The following CR1L variants were observed in gnomAD, a reference collection of about 807,000 sequenced individuals.
CR1L encodes the protein complement C3b/C4b receptor 1 like.
Under a neutral mutation model 62.3 loss-of-function variants are expected in CR1L, and 59 were observed. The ratio of observed to expected loss-of-function variants is 0.95; its 90% CI spans 0.77 to 1.18. The LOEUF (loss-of-function observed/expected upper bound fraction) is 1.18, where lower values mean the gene tolerates loss of function less well. CR1L is among the 50% of genes most tolerant of loss of function. The pLI is 0.00. For synonymous variants in CR1L, 279 were observed against 248.7 expected (o/e 1.12, Z -1.15); for missense variants, 700 against 702.8 (o/e 1.00, Z 0.04).
At chr1:207,662,921 C>G (rs1251953804) in intron 1 of CR1L, among the ~76,000 whole-genome samples, 1 of 152,184 alleles carries the variant, frequency 6.6e-6, no homozygotes, top group Non-Finnish European at 1.5e-5. Flanking sequence ...ACTCTAGACC[C>G]TGTTTGCCTG....
Position 207,645,448 on chromosome 1 carries a change from G to A in CR1L, c.97+118G>A, listed in dbSNP as rs1004689620. On this transcript the variant is annotated intron_variant, in intron 1 of 11. Coordinates refer to ENST00000508064, the MANE Select transcript of CR1L (RefSeq NM_175710.2). ...GTCGTGCCTGCTTGGGATAGAGAGC[G>A]AGGCCAGGGTTCTCCGAGGGGTGCC... is the stretch of plus-strand genomic sequence containing the variant. 4 of 1,176,890 alleles carry A rather than the reference G, an allele frequency of 3.4e-6. 1 individual carries two copies. Among genetic ancestry groups the A allele is most frequent in the Middle Eastern group, 2.0e-4 (1 of 5,060 alleles). 72.9% of individuals were successfully genotyped at this position (1,176,890 alleles called of 1,614,324 possible). A position where few individuals can be genotyped will look rare whatever the true frequency, so the allele number is the denominator to read the frequency against.
chr1:207,651,659 G>GAA (rs148896881), intron 1 of CR1L, among the ~76,000 whole-genome samples: 2 of 146,424 alleles, frequency 1.4e-5, no homozygotes, highest in Admixed American at 6.8e-5. Flanking sequence ...ATGATAGGGA[G>GAA]AAAAAAAAAA....
intron 10 of CR1L, chr1:207,710,400 C>G: frequency 2.0e-6 from 3 of 1,520,924 alleles, no homozygotes; most frequent in Non-Finnish European, 2.7e-6. Context: ...TGTGGGCTAC[C>G]CCCCAACATC....
At chr1:207,657,353 T>A in intron 1 of CR1L, 1 of 816,542 alleles carries the variant, frequency 1.2e-6, no homozygotes, top group Non-Finnish European at 2.1e-6. Flanking sequence ...TCTTCATCTG[T>A]AAGTACTCTG....
At chr1:207,657,836 T>G (rs1663339337) in intron 1 of CR1L, among the ~76,000 whole-genome samples, 1 of 152,212 alleles carries the variant, frequency 6.6e-6, no homozygotes. Flanking sequence ...GATTTAAAAG[T>G]ATATACTTCC....
intron 1 of CR1L, among the ~76,000 whole-genome samples, chr1:207,662,326 C>A (rs1663438536): frequency 6.6e-6 from 1 of 152,326 alleles, no homozygotes; most frequent in East Asian, 1.9e-4. Context: ...TCCCATATTT[C>A]TTGGAGGCTT....
intron 1 of CR1L, among the ~76,000 whole-genome samples, chr1:207,669,813 A>G (rs1366299138): frequency 2.0e-5 from 3 of 151,254 alleles, no homozygotes; most frequent in South Asian, 2.1e-4. Context: ...TGACGAGCGC[A>G]GTGGAAGGCG....
In CR1L at chr1:207,717,539, G is replaced by A. The variant is rs186427145; in HGVS notation, c.1490G>A (p.Gly497Glu). Residue 497 changes from glycine to glutamate, a missense_variant, in exon 11 of 12, where the codon GGA (glycine) becomes GAA (glutamate). Physicochemically the swap from Gly to Glu is moderately conservative, Grantham distance 98. Coordinates refer to ENST00000508064, the MANE Select transcript of CR1L (RefSeq NM_175710.2). ...TGTPLGDIPY[G>E]KEVSYTCDPH... ...ACTCCCCTTGGAGATATTCCCTATG[G>A]AAAAGAAGTATCTTACACATGTGAC... 2.4e-3 allele frequency: 3,927 copies of A among 1,613,726 alleles called. 7 individuals are homozygous for A. Among genetic ancestry groups the A allele is most frequent in the Non-Finnish European group, 2.8e-3 (3,347 of 1,179,724 alleles).
intron 3 of CR1L, among the ~76,000 whole-genome samples, chr1:207,679,863 C>A (rs994167943): frequency 6.6e-5 from 10 of 152,176 alleles, no homozygotes; most frequent in Middle Eastern, 3.4e-3. Flanking sequence ...TCTGAAAAGC[C>A]TATATAGTAT....
At chr1:207,716,023 G>T (rs2761420) in intron 10 of CR1L, among the ~76,000 whole-genome samples, 54,085 of 151,918 alleles carry the variant, frequency 0.36, 11,058 homozygotes, top group Admixed American at 0.5. Flanking sequence ...ATCCCCTCAC[G>T]TATCATAAAC....
chr1:207,667,471 G>A (rs1663540694), intron 1 of CR1L, among the ~76,000 whole-genome samples: 1 of 152,118 alleles, frequency 6.6e-6, no homozygotes, highest in African/African-American at 2.4e-5. Context: ...GGATCCCTGT[G>A]ATCATATCAG....
intron 4 of CR1L, among the ~76,000 whole-genome samples, chr1:207,687,901 T>C (rs1209101411): frequency 6.6e-6 from 1 of 152,218 alleles, no homozygotes; most frequent in Non-Finnish European, 1.5e-5. Context: ...AATGATGTCT[T>C]CTGTTGTAGT....
At chr1:207,706,451 G>C (rs1664269357) in intron 9 of CR1L, among the ~76,000 whole-genome samples, 1 of 151,864 alleles carries the variant, frequency 6.6e-6, no homozygotes, top group Admixed American at 6.6e-5. Context: ...ACGTATGTAA[G>C]ACAGTGTCAG....
At chr1:207,683,018 C>CTT (rs1663828558) in intron 3 of CR1L, among the ~76,000 whole-genome samples, 7 of 120,044 alleles carry the variant, frequency 5.8e-5, no homozygotes, top group Non-Finnish European at 9.1e-5. Flanking sequence ...CTTTTTCTTT[C>CTT]TTTCTTTCCT....
rs550308982 is a variant in CR1L, at chr1:207,708,617, G to C, written c.1414+354G>C. ...AAACCGCATATCCTCTCTGCAAGCT[G>C]TTAGTATCACATCAGATATTCAAGC... On this transcript the variant is annotated intron_variant, in intron 10 of 11. Transcript: ENST00000508064. Among the ~76,000 whole-genome samples, 9 of 152,282 alleles carry C rather than the reference G, an allele frequency of 5.9e-5. No homozygotes were observed. In the South Asian group the frequency reaches 1.0e-3, roughly 18 times the overall value.
rs1209248544 is a variant in CR1L at position 207,662,366 on chromosome 1, A to G, written c.98-15023A>G. Among the ~76,000 whole-genome samples, 3 of 151,986 alleles carry G rather than the reference A, an allele frequency of 2.0e-5. No individual in the cohort carries two copies. In the East Asian group the frequency reaches 5.8e-4, roughly 29 times the overall value. On this transcript the variant is annotated intron_variant, in intron 1 of 11. Transcript: ENST00000508064. ...CATTTCTTTTTATTCTTTTTTCTCT[A>G]AACTTCTCTTCTCACTTCATTTGAT...
At chr1:207,721,164 A>G (rs1169828210) in intron 11 of CR1L, among the ~76,000 whole-genome samples, 1 of 152,194 alleles carries the variant, frequency 6.6e-6, no homozygotes, top group Non-Finnish European at 1.5e-5. Flanking sequence ...ACCTCACTAG[A>G]ACTAAAGAAA....
intron 4 of CR1L, among the ~76,000 whole-genome samples, chr1:207,686,663 T>G (rs963826339): frequency 6.6e-6 from 1 of 152,256 alleles, no homozygotes; most frequent in East Asian, 1.9e-4. Context: ...GTATAATTCA[T>G]GTATCATAAA....
At chr1:207,667,932 T>C (rs1417615861) in intron 1 of CR1L, among the ~76,000 whole-genome samples, 1 of 151,124 alleles carries the variant, frequency 6.6e-6, no homozygotes, top group Non-Finnish European at 1.5e-5. Context: ...TCAACATTCT[T>C]AGTCATCAGA....
Sources: allele counts gnomAD v4.1 joint callset (sites outside exome capture counted in the v4.1 genomes callset), GRCh38; gene constraint gnomAD v4.1.1; transcripts MANE v1.5; gene names NCBI Gene and HGNC (gene_info 2026-07-23, HGNC 2026-07-21).